MACROD2: variants seen among roughly 807,000 people sequenced by gnomAD.
MACROD2 encodes ADP-ribose glycohydrolase MACROD2.
A neutral mutation model predicts 70.4 loss-of-function variants in MACROD2; 36 were observed. The observed-to-expected ratio is 0.51, with a 90% confidence interval of 0.39 to 0.68. The LOEUF (loss-of-function observed/expected upper bound fraction) is 0.68. Ranked by LOEUF, MACROD2 falls within the 30% of genes least tolerant of loss-of-function variation. MACROD2 has a pLI of 0.00. For synonymous variants in MACROD2, 172 were observed against 178.8 expected (o/e 0.96, Z 0.30); for missense variants, 496 against 538.4 (o/e 0.92, Z 0.78).
intron 3 of MACROD2, among the ~76,000 whole-genome samples, chr20:14,291,139 G>T (rs1197225406): frequency 1.3e-5 from 2 of 152,174 alleles, no homozygotes; most frequent in Non-Finnish European, 2.9e-5. Flanking sequence ...ATCATTGATT[G>T]ATTCATTCTC....
intron 6 of MACROD2, among the ~76,000 whole-genome samples, chr20:15,404,613 G>A (rs1306959324): frequency 6.6e-6 from 1 of 152,160 alleles, no homozygotes; most frequent in Non-Finnish European, 1.5e-5. Flanking sequence ...GTAAAATTCT[G>A]TCTCTTTGAG....
intron 6 of MACROD2, among the ~76,000 whole-genome samples, chr20:15,271,158 C>G (rs1192080076): frequency 6.6e-6 from 1 of 152,158 alleles, no homozygotes; most frequent in Non-Finnish European, 1.5e-5. Context: ...CCAGATTTCT[C>G]ACAGTTCTGG....
At chr20:14,715,247 T>C (rs536847717) in intron 5 of MACROD2, among the ~76,000 whole-genome samples, 5 of 152,184 alleles carry the variant, frequency 3.3e-5, no homozygotes, top group African/African-American at 1.2e-4. Context: ...ATCACAATAA[T>C]AGCATGCAGA....
At chr20:15,672,977 T>G (rs1376182651) in intron 8 of MACROD2, among the ~76,000 whole-genome samples, 1 of 152,184 alleles carries the variant, frequency 6.6e-6, no homozygotes, top group African/African-American at 2.4e-5. Context: ...TTTTTGCCTG[T>G]CACCATGTAA....
chr20:15,314,312 C>G (rs938936923), intron 6 of MACROD2, among the ~76,000 whole-genome samples: 77 of 152,112 alleles, frequency 5.1e-4, no homozygotes, highest in African/African-American at 1.8e-3. Flanking sequence ...AATGAGCGGA[C>G]AGGCACAGTG....
At chr20:15,594,510 A>G (rs1223344051) in intron 8 of MACROD2, among the ~76,000 whole-genome samples, 1 of 152,002 alleles carries the variant, frequency 6.6e-6, no homozygotes, top group Non-Finnish European at 1.5e-5. Context: ...ACCAAGCCTC[A>G]CTCCCATTCA....
chr20:14,526,616 C>T (rs1436153065), intron 4 of MACROD2, among the ~76,000 whole-genome samples: 2 of 152,214 alleles, frequency 1.3e-5, no homozygotes, highest in Non-Finnish European at 2.9e-5. Flanking sequence ...TCACGGACGT[C>T]TATAATATTC....
At chr20:14,159,863 C>CATATAT (rs2055158567) in intron 3 of MACROD2, among the ~76,000 whole-genome samples, 1 of 152,086 alleles carries the variant, frequency 6.6e-6, no homozygotes, top group Admixed American at 6.6e-5. Flanking sequence ...GTGTGTTTGT[C>CATATAT]ATATATGGGC....
intron 3 of MACROD2, among the ~76,000 whole-genome samples, chr20:14,215,963 C>T (rs1037006426): frequency 1.2e-4 from 19 of 152,042 alleles, no homozygotes; most frequent in African/African-American, 4.3e-4. Flanking sequence ...CCTGAGTTGT[C>T]TGTTTACTCT....
intron 8 of MACROD2, among the ~76,000 whole-genome samples, chr20:15,851,624 T>C (rs2064299482): frequency 6.6e-6 from 1 of 152,206 alleles, no homozygotes; most frequent in Non-Finnish European, 1.5e-5. Flanking sequence ...CATTCTGAGA[T>C]ACTGGGGGTT....
intron 5 of MACROD2, among the ~76,000 whole-genome samples, chr20:15,130,776 G>T (rs1329243320): frequency 6.6e-6 from 1 of 152,066 alleles, no homozygotes; most frequent in Admixed American, 6.6e-5. Context: ...TTGCCTTAAT[G>T]CCTTATCTCT....
rs558754704 is a variant in MACROD2 at position 14,277,690 on chromosome 20, G to T, written c.271+191962G>T. On this transcript the variant is annotated intron_variant, in intron 3 of 17. Coordinates refer to ENST00000684519, the MANE Select transcript of MACROD2 (RefSeq NM_001351661.2). Reference sequence around the variant, plus strand: ...TGTCACCACTTTAGTGCCAGGCATTGTACTCTTAAAAAAAAAGAGAGAGTG... The same window carrying T: ...TGTCACCACTTTAGTGCCAGGCATTTTACTCTTAAAAAAAAAGAGAGAGTG... Among the ~76,000 whole-genome samples, 4 of 151,952 alleles carry T rather than the reference G, an allele frequency of 2.6e-5. No homozygotes were observed. In the South Asian group the frequency reaches 8.3e-4, roughly 32 times the overall value.
chr20:15,223,426 C>A (rs1412471227), intron 5 of MACROD2, among the ~76,000 whole-genome samples: 1 of 152,162 alleles, frequency 6.6e-6, no homozygotes, highest in Non-Finnish European at 1.5e-5. Flanking sequence ...TCTGCCCTTT[C>A]CTCTGTCCAC....
chr20:14,984,232 A>C (rs1286750278), intron 5 of MACROD2, among the ~76,000 whole-genome samples: 1 of 152,208 alleles, frequency 6.6e-6, no homozygotes. Context: ...TATTGGTTAT[A>C]ATTCTGGAGT....
chr20:15,656,818 C>T (rs755965319), intron 8 of MACROD2, among the ~76,000 whole-genome samples: 29 of 151,824 alleles, frequency 1.9e-4, no homozygotes, highest in Non-Finnish European at 3.4e-4. Context: ...TTAAACATAG[C>T]TCCAGTCCTG....
chr20:15,301,707 C>T (rs964646283), intron 6 of MACROD2, among the ~76,000 whole-genome samples: 4 of 147,738 alleles, frequency 2.7e-5, no homozygotes, highest in Non-Finnish European at 5.9e-5. Flanking sequence ...GTTGGGATCA[C>T]AGGCATGAGC....
intron 8 of MACROD2, among the ~76,000 whole-genome samples, chr20:15,836,610 A>G (rs1271761769): frequency 1.3e-5 from 2 of 152,180 alleles, no homozygotes; most frequent in African/African-American, 4.8e-5. Context: ...CTGTAATTTT[A>G]TTATAATTCA....
chr20:15,843,274 G>A (rs175815), intron 8 of MACROD2, among the ~76,000 whole-genome samples: 20,529 of 152,194 alleles, frequency 0.13, 1,667 homozygotes, highest in South Asian at 0.26. Context: ...AAAGAAGGCA[G>A]GAGCTCATTC....
rs74604281 is a variant in MACROD2, at chr20:15,670,781, G to A, written c.645+170934G>A. On this transcript the variant is annotated intron_variant, in intron 8 of 17. Transcript: ENST00000684519. ...ATATCATATCAACATCATATGTATC[G>A]AATATCATTGTATGCTGCAAGTCTA... 3.8e-3 allele frequency among the ~76,000 whole-genome samples: 575 copies of A among 152,122 alleles called. 2 individuals carry two copies. Among genetic ancestry groups the A allele is most frequent in the Non-Finnish European group, 7.0e-3 (473 of 67,998 alleles).
Sources: gnomAD v4.1 joint callset for allele counts (sites outside exome capture counted in the v4.1 genomes callset) on GRCh38, gnomAD v4.1.1 for gene constraint, MANE v1.5 for transcripts, NCBI Gene and HGNC (gene_info 2026-07-23, HGNC 2026-07-21) for gene names.